The following ASPRV1 variants were observed in gnomAD, a reference collection of about 807,000 sequenced individuals.
ASPRV1 encodes aspartic peptidase retroviral like 1.
A neutral mutation model predicts 11.0 loss-of-function variants in ASPRV1; 7 were observed. The observed-to-expected ratio is 0.64, with a 90% CI of 0.36 to 1.20. The LOEUF is 1.20. Ranked by LOEUF, ASPRV1 falls within the 50% of genes most tolerant of loss-of-function variation. The probability of loss-of-function intolerance (pLI) is 0.02; values close to 1 mark genes in which losing one functional copy is unlikely to be tolerated. For missense variants in ASPRV1, 299 were observed against 320.0 expected, an observed-to-expected ratio of 0.93 and a Z score of 0.50; for synonymous variants, 136 against 138.4, an observed-to-expected ratio of 0.98 and a Z score of 0.12.
the ASPRV1 span, among the ~76,000 whole-genome samples, chr2:69,999,092 T>G: frequency 6.6e-6 from 1 of 152,290 alleles, no homozygotes; most frequent in East Asian, 1.9e-4. Context: ...TCCATCTAGA[T>G]TAATATTTAT....
At chr2:70,067,664 G>A in the ASPRV1 span, among the ~76,000 whole-genome samples, 1 of 152,138 alleles carries the variant, frequency 6.6e-6, no homozygotes, top group African/African-American at 2.4e-5. Flanking sequence ...CACTTGTATA[G>A]AGAATTAAAT....
the ASPRV1 span, chr2:70,083,587 TG>T: frequency 6.6e-6 from 1 of 152,018 alleles, no homozygotes; most frequent in Non-Finnish European, 1.5e-5. Context: ...CAGGCAGGGG[TG>T]GGGCAGTGAC....
chr2:70,054,886 C>T, the ASPRV1 span, among the ~76,000 whole-genome samples: 5 of 152,154 alleles, frequency 3.3e-5, no homozygotes, highest in South Asian at 2.1e-4. Context: ...GTAAAGTTAA[C>T]TAAGATATTA....
chr2:69,956,864 G>A (rs1023180167), downstream of ASPRV1, among the ~76,000 whole-genome samples: 2 of 152,154 alleles, frequency 1.3e-5, no homozygotes, highest in African/African-American at 4.8e-5. Flanking sequence ...CCCACAGCCC[G>A]AATCTCACCA....
At chr2:69,971,768 A>G in the ASPRV1 span, among the ~76,000 whole-genome samples, 1 of 152,186 alleles carries the variant, frequency 6.6e-6, no homozygotes, top group Non-Finnish European at 1.5e-5. Context: ...GTCCTGGAGC[A>G]TTTGAACTTG....
the ASPRV1 span, among the ~76,000 whole-genome samples, chr2:70,035,805 T>C: frequency 6.6e-6 from 1 of 151,712 alleles, no homozygotes; most frequent in African/African-American, 2.4e-5. Context: ...CTCTATCAGC[T>C]AGCAAATACA....
At chr2:70,076,508 C>G in the ASPRV1 span, among the ~76,000 whole-genome samples, 3 of 152,174 alleles carry the variant, frequency 2.0e-5, no homozygotes, top group Non-Finnish European at 4.4e-5. Flanking sequence ...TAACCGTCAC[C>G]ACCATCTTAG....
chr2:69,955,999 G>A (rs185837249), downstream of ASPRV1, among the ~76,000 whole-genome samples: 75 of 152,164 alleles, frequency 4.9e-4, no homozygotes, highest in East Asian at 0.013. Flanking sequence ...AGGAACCAGA[G>A]CTCCTGGAGA....
the ASPRV1 span, among the ~76,000 whole-genome samples, chr2:70,034,254 CTT>C: frequency 1.3e-5 from 2 of 150,092 alleles, no homozygotes; most frequent in African/African-American, 2.4e-5. Context: ...GAGTTTCGCT[CTT>C]GTTGCCCAGG....
At chr2:70,004,471 A>G in the ASPRV1 span, among the ~76,000 whole-genome samples, 1 of 146,952 alleles carries the variant, frequency 6.8e-6, no homozygotes, top group South Asian at 2.2e-4. Flanking sequence ...CAGAGGTTGC[A>G]GTGAGCTGAG....
the ASPRV1 span, chr2:70,019,224 CTT>C: frequency 3.3e-5 from 5 of 152,196 alleles, no homozygotes; most frequent in African/African-American, 1.2e-4. Flanking sequence ...TCACCTCACT[CTT>C]GTTAGAATGG....
At chr2:70,046,098 A>G in the ASPRV1 span, 1 of 152,128 alleles carries the variant, frequency 6.6e-6, no homozygotes, top group East Asian at 1.9e-4. Flanking sequence ...TCACACCTCA[A>G]ATCAACAACA....
At chr2:69,989,127 A>G in the ASPRV1 span, among the ~76,000 whole-genome samples, 1 of 152,266 alleles carries the variant, frequency 6.6e-6, no homozygotes, top group African/African-American at 2.4e-5. Context: ...CAGGGCTCTC[A>G]CAGCCCCGCC....
chr2:70,060,305 C>T, the ASPRV1 span, among the ~76,000 whole-genome samples: 37 of 146,912 alleles, frequency 2.5e-4, no homozygotes, highest in African/African-American at 9.2e-4. Context: ...CACACCACCA[C>T]GCTCCAGCCT....
At chr2:70,013,139 T>A in the ASPRV1 span, among the ~76,000 whole-genome samples, 1 of 152,218 alleles carries the variant, frequency 6.6e-6, no homozygotes, top group African/African-American at 2.4e-5. Context: ...TGTGAATAAT[T>A]CACTGAACCA....
chr2:69,977,217 TA>T, the ASPRV1 span, among the ~76,000 whole-genome samples: 1 of 152,030 alleles, frequency 6.6e-6, no homozygotes, highest in Non-Finnish European at 1.5e-5. Flanking sequence ...GGCAAAAATG[TA>T]GAAATTCAAT....
chr2:70,083,500 G>A, the ASPRV1 span: 1 of 152,214 alleles, frequency 6.6e-6, no homozygotes, highest in Non-Finnish European at 1.5e-5. Context: ...GTCTAAACCT[G>A]ACTCACCTTC....
the ASPRV1 span, among the ~76,000 whole-genome samples, chr2:70,037,272 G>C: frequency 6.6e-6 from 1 of 152,070 alleles, no homozygotes; most frequent in African/African-American, 2.4e-5. Flanking sequence ...TCAGTGACTT[G>C]TTAGTCTGTT....
the ASPRV1 span, chr2:69,942,333 G>A: frequency 1.3e-5 from 2 of 152,262 alleles, no homozygotes; most frequent in East Asian, 1.9e-4. Context: ...GGGTTAGAGG[G>A]TGGGGTGTGC....
Sources: gnomAD v4.1 joint callset for allele counts (sites outside exome capture counted in the v4.1 genomes callset) on GRCh38, gnomAD v4.1.1 for gene constraint, MANE v1.5 for transcripts, NCBI Gene and HGNC (gene_info 2026-07-23, HGNC 2026-07-21) for gene names.